Variants in DPY19L3 observed in about 807,000 individuals in gnomAD.
The protein encoded by DPY19L3 is protein C-mannosyl-transferase DPY19L3.
In DPY19L3, 51 loss-of-function variants were observed where a neutral mutation model predicts 92.3. The ratio of observed to expected loss-of-function variants is 0.55; its 90% CI spans 0.44 to 0.70. DPY19L3 has a LOEUF of 0.70. Among genes scored for constraint, DPY19L3 ranks in the 30% least tolerant of loss-of-function variants. DPY19L3 has a pLI of 0.00. For missense variants in DPY19L3, 706 were observed against 855.9 expected (o/e 0.82, Z 2.18); for synonymous variants, 309 against 315.2 (o/e 0.98, Z 0.21).
At chr19:32,468,109 A>G (rs1409475466) in intron 15 of DPY19L3, 2 of 982,006 alleles carry the variant, frequency 2.0e-6, no homozygotes, top group Non-Finnish European at 2.4e-6. Flanking sequence ...ATTTGGAGCC[A>G]GGGTCCAGGT....
Position 32,408,362 on chromosome 19 carries a change from T to G in DPY19L3, c.103+6T>G. 1 of 1,603,456 alleles carries G rather than the reference T, an allele frequency of 6.2e-7. No homozygotes were observed. Among genetic ancestry groups the G allele is most frequent in the Non-Finnish European group, 8.5e-7 (1 of 1,171,414 alleles). ...GGAAAATAAATTGCCATCTGGTAGGTGATTTAAACTAAAGCAGCAATTTGG... is the reference window on the plus strand; with the variant it reads ...GGAAAATAAATTGCCATCTGGTAGGGGATTTAAACTAAAGCAGCAATTTGG... On this transcript the variant is annotated splice_donor_region_variant and intron_variant, in intron 2 of 18. Transcript: ENST00000392250.
At chr19:32,481,050 C>T (rs1970658529) in intron 18 of DPY19L3, 2 of 335,388 alleles carry the variant, frequency 6.0e-6, no homozygotes, top group East Asian at 9.0e-5. Flanking sequence ...GGCCGGCTTT[C>T]AGAGGCTAAG....
chr19:32,443,415 A>G (rs1312869602), intron 8 of DPY19L3, among the ~76,000 whole-genome samples: 2 of 152,166 alleles, frequency 1.3e-5, no homozygotes, highest in Non-Finnish European at 2.9e-5. Context: ...TGATTGTATT[A>G]GGAGGTAGGT....
At chr19:32,419,562 C>A (rs779345493) in intron 3 of DPY19L3, among the ~76,000 whole-genome samples, 12 of 151,936 alleles carry the variant, frequency 7.9e-5, no homozygotes, top group Non-Finnish European at 1.8e-4. Flanking sequence ...TGGGCTCAAG[C>A]AGTCCACCAA....
At chr19:32,455,923 G>A (rs1035510973) in intron 10 of DPY19L3, among the ~76,000 whole-genome samples, 13 of 152,012 alleles carry the variant, frequency 8.6e-5, no homozygotes, top group African/African-American at 3.1e-4. Flanking sequence ...GGTATCTTCA[G>A]ATACTTTTGC....
chr19:32,439,348 C>T (rs1026898896), intron 7 of DPY19L3, 113 bp downstream of exon 7: 2 of 1,119,708 alleles, frequency 1.8e-6, no homozygotes, highest in Non-Finnish European at 2.4e-6. Context: ...TATTCCATGA[C>T]CAATTTTTAA....
chr19:32,415,142 C>T (rs568069617), intron 3 of DPY19L3, among the ~76,000 whole-genome samples: 23 of 152,320 alleles, frequency 1.5e-4, no homozygotes, highest in Admixed American at 1.4e-3. Context: ...AAGGAACTTA[C>T]ACTCTTGAGA....
chr19:32,428,127 A>G (rs1352082222), intron 3 of DPY19L3: 2 of 151,886 alleles, frequency 1.3e-5, no homozygotes, highest in Admixed American at 6.6e-5. Context: ...ATGCACCACA[A>G]TGCCCAGCTA....
At chr19:32,426,744 C>T (rs75345832) in intron 3 of DPY19L3, among the ~76,000 whole-genome samples, 4,814 of 152,062 alleles carry the variant, frequency 0.032, 96 homozygotes, top group Middle Eastern at 0.092. Context: ...TCCCAGATCC[C>T]GTGACAGGTA....
At chr19:32,442,679 C>T (rs1028365931) in intron 8 of DPY19L3, among the ~76,000 whole-genome samples, 1 of 152,132 alleles carries the variant, frequency 6.6e-6, no homozygotes, top group African/African-American at 2.4e-5. Flanking sequence ...TGGACTCAAA[C>T]AAAAAGCCTC....
rs1355311022 is a variant in DPY19L3, at chr19:32,419,855, A to C, written c.237+8483A>C. 3.3e-3 allele frequency among the ~76,000 whole-genome samples: 372 copies of C among 111,778 alleles called. 1 individual carries two copies. The highest frequency in any genetic ancestry group is 0.012 in the African/African-American group (353 of 29,066). 73.3% of individuals were successfully genotyped at this position (111,778 alleles called of 152,430 possible). A position where few individuals can be genotyped will look rare whatever the true frequency, so the allele number is the denominator to read the frequency against. The stretch of plus-strand genomic sequence containing the variant: ...AACAAAAAGTAAAAGGCACTCCCCC[A>C]TTTTTTTTTTTTTTTTTTTTTTGAG... On this transcript the variant is annotated intron_variant, in intron 3 of 18. Coordinates refer to ENST00000392250, the MANE Select transcript of DPY19L3 (RefSeq NM_001172774.2).
chr19:32,477,983 G>A (rs530131666), intron 17 of DPY19L3, among the ~76,000 whole-genome samples: 21 of 152,222 alleles, frequency 1.4e-4, no homozygotes, highest in African/African-American at 4.8e-4. Context: ...AAAACCATCA[G>A]ATCTCATGAG....
At chr19:32,446,614 G>C (rs998162632) in intron 8 of DPY19L3, among the ~76,000 whole-genome samples, 31 of 152,210 alleles carry the variant, frequency 2.0e-4, no homozygotes, top group Middle Eastern at 3.4e-3. Flanking sequence ...AATTACTAGG[G>C]ACAGAACAGA....
In DPY19L3 at chr19:32,482,219, C is replaced by T; in HGVS notation, c.2130C>T (p.Tyr710=). Residue 710 remains tyrosine, a synonymous_variant, in exon 19 of 19, where the codon TAC becomes TAT. Coordinates refer to ENST00000392250, the MANE Select transcript of DPY19L3 (RefSeq NM_001172774.2). Reference sequence around the variant, plus strand: ...TCCAGAACAAAACCTTCCACGTTTACAAGCTGTCCAGAAACAAGTAGCGCA... The same window carrying T: ...TCCAGAACAAAACCTTCCACGTTTATAAGCTGTCCAGAAACAAGTAGCGCA... ...RVFQNKTFHV[Y]KLSRNK 6.2e-7 allele frequency: 1 copy of T among 1,613,024 alleles called. No individual in the cohort carries two copies. Among genetic ancestry groups the T allele is most frequent in the Non-Finnish European group, 8.5e-7 (1 of 1,179,648 alleles).
rs1442700569 is a variant in DPY19L3 at position 32,484,105 on chromosome 19, A to G, written c.*1865A>G. 6.6e-6 allele frequency: 1 copy of G among 152,538 alleles called. No homozygotes were observed. The highest frequency in any genetic ancestry group is 1.5e-5 in the Non-Finnish European group (1 of 68,030). 9.4% of individuals were successfully genotyped at this position (152,538 alleles called of 1,614,324 possible). The stretch of plus-strand genomic sequence containing the variant: ...TTAAATTTTTATGCTTATCACCGCA[A>G]TGATGGCAAACAGTGATTTTTTTTT... On this transcript the variant is annotated 3_prime_UTR_variant, in exon 19 of 19. Transcript: ENST00000392250.
chr19:32,417,318 A>G (rs1406950822), intron 3 of DPY19L3, among the ~76,000 whole-genome samples: 1 of 151,976 alleles, frequency 6.6e-6, no homozygotes, highest in Non-Finnish European at 1.5e-5. Flanking sequence ...TGATGGCTTT[A>G]TTTATTTTAA....
chr19:32,468,141 T>G, intron 15 of DPY19L3: 18 of 959,106 alleles, frequency 1.9e-5, no homozygotes, highest in Non-Finnish European at 2.1e-5. Context: ...CGCTTGTGAC[T>G]TGGTCAAGTC....
chr19:32,470,773 T>A lies in DPY19L3; in HGVS notation c.1697+1960T>A, dbSNP rs544432721. Among the ~76,000 whole-genome samples the A allele has an allele frequency of 2.0e-3, 290 of 142,750 alleles. 1 individual carries two copies. The highest frequency in any genetic ancestry group is 7.2e-3 in the African/African-American group (274 of 37,844). The allele number at this position is 142,750 out of a possible 152,430, so 93.6% of individuals were successfully genotyped here. On this transcript the variant is annotated intron_variant, in intron 16 of 18. Coordinates refer to ENST00000392250, the MANE Select transcript of DPY19L3 (RefSeq NM_001172774.2). ...TGTAGTGCTTTTGTAGTAGACATATTCCTTTGGCTTTTTTTTTTTTTTTTT... is the reference window on the plus strand; with the variant it reads ...TGTAGTGCTTTTGTAGTAGACATATACCTTTGGCTTTTTTTTTTTTTTTTT...
intron 6 of DPY19L3, among the ~76,000 whole-genome samples, chr19:32,438,261 A>C (rs911515407): frequency 6.6e-6 from 1 of 152,150 alleles, no homozygotes; most frequent in Non-Finnish European, 1.5e-5. Context: ...ACGTGTTATG[A>C]CAGTCCTGTT....
Sources: gnomAD v4.1 joint callset for allele counts (sites outside exome capture counted in the v4.1 genomes callset) on GRCh38, gnomAD v4.1.1 for gene constraint, MANE v1.5 for transcripts, NCBI Gene and HGNC (gene_info 2026-07-23, HGNC 2026-07-21) for gene names.